The following NCK1 variants were observed in gnomAD, a reference collection of about 807,000 sequenced individuals.
The protein encoded by NCK1 is SH2/SH3 adapter protein NCK1.
NCK1 carries 19 observed loss-of-function variants against 36.6 expected under a neutral mutation model. That is an observed-to-expected ratio of 0.52 (90% CI 0.36 to 0.76). The LOEUF is 0.76. Ranked by LOEUF, NCK1 falls within the 30% of genes least tolerant of loss-of-function variation. The pLI, the probability that NCK1 is intolerant of heterozygous loss-of-function variation, is 0.00. For missense variants in NCK1, 358 were observed against 445.6 expected (o/e 0.80, Z 1.77); for synonymous variants, 165 against 156.0 (o/e 1.06, Z -0.43).
intron 1 of NCK1, among the ~76,000 whole-genome samples, chr3:136,871,010 A>G (rs893470858): frequency 2.0e-5 from 3 of 152,212 alleles, no homozygotes; most frequent in Non-Finnish European, 2.9e-5. Context: ...AAATTCTGCA[A>G]TAAAGATCTT....
chr3:136,906,739 A>C (rs1378188322), intron 1 of NCK1, among the ~76,000 whole-genome samples: 1 of 152,196 alleles, frequency 6.6e-6, no homozygotes, highest in East Asian at 1.9e-4. Flanking sequence ...TGGACTGGAC[A>C]GGCCAATCCC....
intron 2 of NCK1, among the ~76,000 whole-genome samples, chr3:136,932,241 G>A (rs189701092): frequency 1.1e-4 from 16 of 152,026 alleles, no homozygotes; most frequent in Non-Finnish European, 2.1e-4. Context: ...TAATGCATTT[G>A]CAGACTGGGA....
At chr3:136,936,881 T>C (rs1940545655) in intron 2 of NCK1, among the ~76,000 whole-genome samples, 1 of 152,348 alleles carries the variant, frequency 6.6e-6, no homozygotes, top group East Asian at 1.9e-4. Flanking sequence ...TAGACCCTTA[T>C]CAGAATTATG....
chr3:136,862,235 G>C lies in NCK1; in HGVS notation c.-137G>C, dbSNP rs1188024636. 1.3e-5 allele frequency: 2 copies of C among 152,802 alleles called. No individual in the cohort carries two copies. The highest frequency in any genetic ancestry group is 4.8e-5 in the African/African-American group (2 of 41,474). The allele number at this position is 152,802 out of a possible 1,614,324, so 9.5% of individuals were successfully genotyped here. On this transcript the variant is annotated 5_prime_UTR_variant, in exon 1 of 4. Coordinates refer to ENST00000481752, the MANE Select transcript of NCK1 (RefSeq NM_001291999.2). ...CGCGCGTGCCCCGCCTCTCTCCCAA[G>C]AGCTACGCGGCGGCGGCGGAGCGCA...
intron 1 of NCK1, among the ~76,000 whole-genome samples, chr3:136,889,694 C>T (rs1939183410): frequency 6.6e-6 from 1 of 152,068 alleles, no homozygotes; most frequent in South Asian, 2.1e-4. Context: ...AGTTCTCCAC[C>T]TCCCCACCAG....
At chr3:136,913,442 A>AT (rs1468635474) in intron 1 of NCK1, among the ~76,000 whole-genome samples, 1 of 151,524 alleles carries the variant, frequency 6.6e-6, no homozygotes, top group Non-Finnish European at 1.5e-5. Flanking sequence ...CTAATGTTTT[A>AT]TTTTTTGTAG....
chr3:136,932,168 A>AAT (rs1940409326), intron 2 of NCK1, among the ~76,000 whole-genome samples: 1 of 152,060 alleles, frequency 6.6e-6, no homozygotes, highest in South Asian at 2.1e-4. Context: ...ACAGTGATTC[A>AAT]ATATATATCA....
chr3:136,927,797 G>A lies in NCK1; in HGVS notation c.-18-187G>A, dbSNP rs146872893. On this transcript the variant is annotated intron_variant, in intron 1 of 3. Transcript: ENST00000481752. ...GCCTCCCAAAGTGCTGGGATTACAG[G>A]CATGAGCCACTGCGCACGGCCATAC... Among the ~76,000 whole-genome samples, 355 of 152,286 alleles carry A rather than the reference G, an allele frequency of 2.3e-3. 1 individual carries two copies. Among genetic ancestry groups the A allele is most frequent in the Non-Finnish European group, 3.0e-3 (201 of 68,016 alleles).
In NCK1 at chr3:136,945,747, A is replaced by G. The variant is rs775351154; in HGVS notation, c.391A>G (p.Thr131Ala). 14 of 1,614,036 alleles carry G rather than the reference A, an allele frequency of 8.7e-6. No individual in the cohort carries two copies. The highest frequency in any genetic ancestry group is 1.2e-5 in the Non-Finnish European group (14 of 1,180,030). Reference protein sequence around the residue: ...REDELSLIKGTKVIVMEKCSD... With the variant: ...REDELSLIKGAKVIVMEKCSD... ...GGATGAATTATCATTGATAAAGGGG[A>G]CAAAGGTGATCGTCATGGAGAAATG... The change falls in exon 3 of 4, where the codon ACA becomes GCA. Residue 131 changes from threonine to alanine, a missense_variant. Thr to Ala is a moderately conservative substitution (Grantham distance 58). Transcript: ENST00000481752.
At chr3:136,886,457 A>G (rs1939076572) in intron 1 of NCK1, among the ~76,000 whole-genome samples, 1 of 151,902 alleles carries the variant, frequency 6.6e-6, no homozygotes, top group African/African-American at 2.4e-5. Flanking sequence ...TACATTGTAA[A>G]TGGTATTTAG....
At chr3:136,899,365 G>T in intron 1 of NCK1, 1 of 271,222 alleles carries the variant, frequency 3.7e-6, no homozygotes, top group African/African-American at 2.3e-5. Context: ...ATTACATTTG[G>T]ATTTAGGTTC....
intron 1 of NCK1, among the ~76,000 whole-genome samples, chr3:136,877,412 T>C (rs1280901554): frequency 6.6e-6 from 1 of 152,170 alleles, no homozygotes; most frequent in Non-Finnish European, 1.5e-5. Context: ...AGAAATAACA[T>C]TAAACTATTT....
intron 1 of NCK1, among the ~76,000 whole-genome samples, chr3:136,869,532 G>T (rs1443038863): frequency 3.9e-5 from 6 of 152,144 alleles, no homozygotes; most frequent in Non-Finnish European, 8.8e-5. Flanking sequence ...GTGACAGAGC[G>T]AGATTGTCTC....
chr3:136,947,889 C>T (rs1267304093), intron 3 of NCK1, among the ~76,000 whole-genome samples: 1 of 152,138 alleles, frequency 6.6e-6, no homozygotes, highest in East Asian at 1.9e-4. Flanking sequence ...TAGACTTTCT[C>T]ATGTGTTTCT....
intron 1 of NCK1, among the ~76,000 whole-genome samples, chr3:136,867,225 G>A (rs868369262): frequency 9.1e-6 from 1 of 109,318 alleles, no homozygotes; most frequent in African/African-American, 3.6e-5. Flanking sequence ...CCTTCCTTCC[G>A]TCCATCCATC....
intron 2 of NCK1, among the ~76,000 whole-genome samples, chr3:136,940,022 T>C (rs1221982795): frequency 6.6e-6 from 1 of 151,872 alleles, no homozygotes; most frequent in African/African-American, 2.4e-5. Context: ...TGGCTAATTA[T>C]TTTATTTTAC....
At chr3:136,899,642 A>G (rs931093320) in intron 1 of NCK1, 4 of 703,248 alleles carry the variant, frequency 5.7e-6, no homozygotes, top group Non-Finnish European at 1.1e-5. Context: ...GAATACCACC[A>G]TTGTCTTTCT....
At chr3:136,865,135 T>A (rs1938376643) in intron 1 of NCK1, among the ~76,000 whole-genome samples, 1 of 152,044 alleles carries the variant, frequency 6.6e-6, no homozygotes, top group Non-Finnish European at 1.5e-5. Context: ...TTTTTGTATT[T>A]TTAGTAGAGG....
intron 1 of NCK1, among the ~76,000 whole-genome samples, chr3:136,886,834 T>A (rs1576952521): frequency 8.8e-6 from 1 of 113,014 alleles, no homozygotes; most frequent in Non-Finnish European, 1.9e-5. Context: ...TTTTTTTTTT[T>A]TCCTATCTTT....
Sources: allele counts gnomAD v4.1 joint callset (sites outside exome capture counted in the v4.1 genomes callset), GRCh38; gene constraint gnomAD v4.1.1; transcripts MANE v1.5; gene names NCBI Gene and HGNC (gene_info 2026-07-23, HGNC 2026-07-21).